The following ASIC2 variants were observed in gnomAD, a reference collection of about 807,000 sequenced individuals.
The protein encoded by ASIC2 is acid-sensing ion channel 2.
In ASIC2, 25 loss-of-function variants were observed where a neutral mutation model predicts 57.3. The ratio of observed to expected loss-of-function variants is 0.44; its 90% confidence interval spans 0.32 to 0.61. The LOEUF (loss-of-function observed/expected upper bound fraction) is 0.61. ASIC2 is among the 20% of genes least tolerant of loss of function. ASIC2 has a pLI of 0.06. For missense variants in ASIC2, 641 were observed against 738.1 expected (o/e 0.87, Z 1.52); for synonymous variants, 319 against 307.5 (o/e 1.04, Z -0.39).
At chr17:33,901,505 G>A (rs183326773) in intron 1 of ASIC2, among the ~76,000 whole-genome samples, 10 of 152,124 alleles carry the variant, frequency 6.6e-5, no homozygotes, top group Admixed American at 6.5e-4. Context: ...TCATTCTGGA[G>A]CACCTACCAT....
intron 1 of ASIC2, among the ~76,000 whole-genome samples, chr17:33,428,212 T>C (rs1911284135): frequency 6.6e-6 from 1 of 152,286 alleles, no homozygotes; most frequent in Middle Eastern, 3.4e-3. Context: ...TAATTTGCTA[T>C]ATAGTATTAG....
At chr17:33,970,869 G>A (rs899809985) in intron 1 of ASIC2, among the ~76,000 whole-genome samples, 6 of 152,158 alleles carry the variant, frequency 3.9e-5, no homozygotes, top group African/African-American at 7.2e-5. Flanking sequence ...AACAGGCAAG[G>A]GGAGATGCTC....
intron 1 of ASIC2, among the ~76,000 whole-genome samples, chr17:33,797,018 A>T (rs1911938132): frequency 6.6e-6 from 1 of 152,196 alleles, no homozygotes; most frequent in Non-Finnish European, 1.5e-5. Context: ...GGAAATGCTG[A>T]CATGTTCAGT....
At position 33,097,433 on chromosome 17, in the gene ASIC2, G is replaced by A. The variant is rs148162597; in HGVS notation, c.860-8443C>T. ...CTCACAGAAAGTAAAGAACAGACCC[G>A]GGGCCATTGACTCACGGCTGCGTAG... On this transcript the variant is annotated intron_variant, in intron 2 of 9. Coordinates refer to ENST00000225823, the MANE Select transcript of ASIC2 (RefSeq NM_183377.2). Among the ~76,000 whole-genome samples the A allele has an allele frequency of 7.1e-3, 1,086 of 152,302 alleles. 5 individuals are homozygous for A. Among genetic ancestry groups the A allele is most frequent in the Non-Finnish European group, 0.012 (807 of 68,018 alleles).
At chr17:33,731,022 C>T (rs952677208) in intron 1 of ASIC2, among the ~76,000 whole-genome samples, 1 of 152,214 alleles carries the variant, frequency 6.6e-6, no homozygotes, top group African/African-American at 2.4e-5. Context: ...ACTGCACCTA[C>T]TCCACCTCAG....
chr17:33,108,720 A>T (rs2092245107), intron 2 of ASIC2, among the ~76,000 whole-genome samples: 1 of 152,182 alleles, frequency 6.6e-6, no homozygotes, highest in South Asian at 2.1e-4. Flanking sequence ...GAAAGGTACG[A>T]TGGAGGGAGC....
chr17:33,328,285 G>C (rs1447657599), intron 1 of ASIC2, among the ~76,000 whole-genome samples: 1 of 152,176 alleles, frequency 6.6e-6, no homozygotes, highest in African/African-American at 2.4e-5. Flanking sequence ...AAAGTGAGAA[G>C]TCTGGGTTCA....
intron 1 of ASIC2, among the ~76,000 whole-genome samples, chr17:33,702,297 C>G (rs1908727378): frequency 6.6e-6 from 1 of 151,886 alleles, no homozygotes; most frequent in Non-Finnish European, 1.5e-5. Context: ...CTTTCTCCTT[C>G]CTGGGGTTAG....
chr17:33,409,152 T>C (rs1296988141), intron 1 of ASIC2, among the ~76,000 whole-genome samples: 1 of 151,876 alleles, frequency 6.6e-6, no homozygotes, highest in African/African-American at 2.4e-5. Context: ...GAGGCAGAGG[T>C]TGTAGTGAGC....
chr17:33,219,997 A>G (rs533994607), intron 1 of ASIC2, among the ~76,000 whole-genome samples: 1 of 152,340 alleles, frequency 6.6e-6, no homozygotes, highest in East Asian at 1.9e-4. Flanking sequence ...GAAATATTCA[A>G]TCAATAAAAA....
intron 1 of ASIC2, among the ~76,000 whole-genome samples, chr17:34,047,652 G>A (rs1192868525): frequency 2.6e-5 from 4 of 151,854 alleles, no homozygotes; most frequent in African/African-American, 9.7e-5. Context: ...TCCATTCCCT[G>A]AATCTGGGCT....
chr17:33,540,479 G>A (rs1915372910), intron 1 of ASIC2, among the ~76,000 whole-genome samples: 1 of 152,090 alleles, frequency 6.6e-6, no homozygotes, highest in South Asian at 2.1e-4. Flanking sequence ...GATTGAGGGG[G>A]AGGACAACAA....
rs991323811 is a variant in ASIC2 at position 33,074,412 on chromosome 17, T to C, written c.987+14451A>G. Among the ~76,000 whole-genome samples the C allele has an allele frequency of 2.6e-5, 4 of 152,108 alleles. 1 individual carries two copies. The South Asian group carries it at 8.3e-4, about 32-fold the overall frequency. ...GCTGTGTGCCTTTGCTGGTTGCAGG[T>C]CTGAGTGGTCCTCCTCCCCTTTCCC... On this transcript the variant is annotated intron_variant, in intron 3 of 9. Coordinates refer to ENST00000225823, the MANE Select transcript of ASIC2 (RefSeq NM_183377.2).
At chr17:33,520,436 G>A (rs2141954688) in intron 1 of ASIC2, among the ~76,000 whole-genome samples, 1 of 152,344 alleles carries the variant, frequency 6.6e-6, no homozygotes, top group East Asian at 1.9e-4. Flanking sequence ...TGGTTAACTG[G>A]GAGGTTGTAT....
At chr17:33,465,303 T>G (rs911151602) in intron 1 of ASIC2, among the ~76,000 whole-genome samples, 2 of 152,242 alleles carry the variant, frequency 1.3e-5, no homozygotes, top group African/African-American at 4.8e-5. Context: ...AAATACATTC[T>G]TAAGTCCCTT....
intron 1 of ASIC2, among the ~76,000 whole-genome samples, chr17:33,912,722 G>A (rs1334458536): frequency 6.6e-6 from 1 of 151,792 alleles, no homozygotes; most frequent in East Asian, 1.9e-4. Context: ...TCTCACGCCT[G>A]TAATCCCAGC....
intron 1 of ASIC2, among the ~76,000 whole-genome samples, chr17:33,138,783 G>T (rs1231218211): frequency 1.3e-5 from 2 of 152,132 alleles, no homozygotes; most frequent in African/African-American, 4.8e-5. Context: ...AAATGCTAAT[G>T]CCTCCATCTG....
intron 6 of ASIC2, among the ~76,000 whole-genome samples, chr17:33,022,620 C>A (rs1205608975): frequency 6.6e-6 from 1 of 152,224 alleles, no homozygotes; most frequent in African/African-American, 2.4e-5. Context: ...CTCTGCTGAG[C>A]TTCTGCCTAG....
At chr17:33,335,591 T>C (rs1597688031) in intron 1 of ASIC2, among the ~76,000 whole-genome samples, 1 of 152,078 alleles carries the variant, frequency 6.6e-6, no homozygotes, top group African/African-American at 2.4e-5. Flanking sequence ...AATAAATCCA[T>C]ATGCGTGGGG....
Sources: allele counts gnomAD v4.1 joint callset (sites outside exome capture counted in the v4.1 genomes callset), GRCh38; gene constraint gnomAD v4.1.1; transcripts MANE v1.5; gene names NCBI Gene and HGNC (gene_info 2026-07-23, HGNC 2026-07-21).